The following YJU2B variants were observed in gnomAD, a reference collection of about 807,000 sequenced individuals.
YJU2B encodes the protein probable splicing factor YJU2B.
A neutral mutation model predicts 38.0 loss-of-function variants in YJU2B; 18 were observed. That is an observed-to-expected ratio of 0.47 (90% CI 0.33 to 0.70). The LOEUF (loss-of-function observed/expected upper bound fraction) is 0.70. Ranked by LOEUF, YJU2B falls within the 30% of genes least tolerant of loss-of-function variation. The probability of loss-of-function intolerance (pLI) is 0.02; values close to 1 mark genes in which losing one functional copy is unlikely to be tolerated. For missense variants in YJU2B, 538 were observed against 556.3 expected, an observed-to-expected ratio of 0.97 and a Z score of 0.33; for synonymous variants, 246 against 225.4, an observed-to-expected ratio of 1.09 and a Z score of -0.82.
Position 13,762,952 on chromosome 19 carries a change from A to G in YJU2B, c.1075A>G (p.Lys359Glu), listed in dbSNP as rs1973966638. Residue 359 changes from lysine to glutamate, a missense_variant, in exon 10 of 10, where the codon AAG (lysine) becomes GAG (glutamate). Physicochemically the swap from Lys to Glu is moderately conservative, Grantham distance 56. Transcript: ENST00000221554. ...GGGGCAGGAAGGGAGCCGTCAGGAC[A>G]AGCCCCTGTCGCCAGCAGGCTCCTC... is the stretch of plus-strand genomic sequence containing the variant. ...PRGQEGSRQD[K>E]PLSPAGSSQE... is the part of the protein sequence containing the mutation. 6.2e-7 allele frequency: 1 copy of G among 1,611,918 alleles called. No homozygotes were observed. Among genetic ancestry groups the G allele is most frequent in the Admixed American group, 1.7e-5 (1 of 59,888 alleles).
chr19:13,754,646 G>A (rs951569623), intron 3 of YJU2B, among the ~76,000 whole-genome samples: 12 of 152,082 alleles, frequency 7.9e-5, no homozygotes, highest in East Asian at 1.9e-4. Flanking sequence ...CACCTGTGGC[G>A]TCCTGGTTGT....
At chr19:13,757,584 G>C (rs1359410074) in intron 5 of YJU2B, 111 bp downstream of exon 5, 13 of 1,149,270 alleles carry the variant, frequency 1.1e-5, no homozygotes, top group Non-Finnish European at 1.6e-5. Flanking sequence ...GGGAGGAGAC[G>C]GGCACCCGAG....
At position 13,759,180 on chromosome 19, in the gene YJU2B, A is replaced by C; in HGVS notation, c.481A>C (p.Lys161Gln). The change falls in exon 8 of 10, where the codon AAG (lysine) becomes CAG (glutamine). Residue 161 changes from lysine (K) to glutamine (Q), a missense_variant. This residue lies in a region of YJU2B where 488 missense variants were observed against 469.5 expected (regional missense o/e 1.04). Coordinates refer to ENST00000221554, the MANE Select transcript of YJU2B (RefSeq NM_030818.4). ...HGEADRSTLKKALPTLSHIQE... is the reference protein window; with the variant it reads ...HGEADRSTLKQALPTLSHIQE... The stretch of plus-strand genomic sequence containing the variant: ...CGAGGCCGACCGCAGCACACTCAAG[A>C]AGGCGCTGCCCACACTGAGCCACAT... 6.2e-7 allele frequency: 1 copy of C among 1,613,576 alleles called. No individual in the cohort carries two copies. Among genetic ancestry groups the C allele is most frequent in the Non-Finnish European group, 8.5e-7 (1 of 1,179,834 alleles).
intron 4 of YJU2B, among the ~76,000 whole-genome samples, chr19:13,756,612 T>G (rs1299102309): frequency 1.3e-5 from 2 of 152,102 alleles, no homozygotes; most frequent in African/African-American, 4.8e-5. Flanking sequence ...ACAGCTGGGC[T>G]CTGCTCCGTG....
chr19:13,734,575 C>T (rs1393001947), intron 2 of YJU2B, among the ~76,000 whole-genome samples: 2 of 152,092 alleles, frequency 1.3e-5, no homozygotes, highest in East Asian at 3.9e-4. Flanking sequence ...CAGGCGTGAG[C>T]CACCGCGCCC....
At chr19:13,754,586 G>A (rs1379051668) in intron 3 of YJU2B, among the ~76,000 whole-genome samples, 2 of 152,082 alleles carry the variant, frequency 1.3e-5, no homozygotes, top group African/African-American at 4.8e-5. Context: ...CCCAGGATAA[G>A]GCAGAGCGCA....
At chr19:13,759,363 C>T in intron 8 of YJU2B, 91 bp downstream of exon 8, 3 of 1,058,126 alleles carry the variant, frequency 2.8e-6, no homozygotes, top group Non-Finnish European at 2.7e-6. Flanking sequence ...TAGCTTTGAG[C>T]AGGCCACTGT....
At chr19:13,741,152 T>TC (rs201332787) in intron 2 of YJU2B, among the ~76,000 whole-genome samples, 640 of 23,834 alleles carry the variant, frequency 0.027, 2 homozygotes, top group African/African-American at 0.095. Context: ...TATAGATTTC[T>TC]TTTTTTTTTT....
At chr19:13,753,351 G>A (rs1644472) in intron 2 of YJU2B, among the ~76,000 whole-genome samples, 59,630 of 151,814 alleles carry the variant, frequency 0.39, 12,402 homozygotes, top group African/African-American at 0.52. Context: ...AGGTAGGTGG[G>A]TCACAAGGTC....
At chr19:13,746,244 C>T (rs984127595), upstream of YJU2B, among the ~76,000 whole-genome samples, 2 of 150,540 alleles carry the variant, frequency 1.3e-5, no homozygotes, top group Non-Finnish European at 3.0e-5. Flanking sequence ...AGTGAGACTC[C>T]GACTCAAAAA....
chr19:13,745,378 G>A (rs1377282111), upstream of YJU2B, among the ~76,000 whole-genome samples: 3 of 151,670 alleles, frequency 2.0e-5, no homozygotes, highest in Non-Finnish European at 4.4e-5. Context: ...TAAAGCATGG[G>A]GAGGCCGGGC....
chr19:13,752,999 G>A (rs1309840472), intron 2 of YJU2B, among the ~76,000 whole-genome samples: 2 of 152,116 alleles, frequency 1.3e-5, no homozygotes, highest in Non-Finnish European at 2.9e-5. Context: ...TACTACATGT[G>A]TATCTGCCCA....
intron 8 of YJU2B, among the ~76,000 whole-genome samples, chr19:13,760,806 C>T (rs940552590): frequency 2.0e-5 from 3 of 152,034 alleles, no homozygotes; most frequent in Non-Finnish European, 1.5e-5. Context: ...GAGTCTCGCT[C>T]GTCGCCCATG....
At position 13,756,307 on chromosome 19, in the gene YJU2B, C is replaced by G. The variant is rs201651321; in HGVS notation, c.140+28C>G. ...AAGGCCCAGCATCACCTGAGGACCCCACCGTCCTGCCCCATTCCTTCAGTC... is the reference window on the plus strand; with the variant it reads ...AAGGCCCAGCATCACCTGAGGACCCGACCGTCCTGCCCCATTCCTTCAGTC... On this transcript the variant is annotated intron_variant, in intron 4 of 9. Transcript: ENST00000221554. The G allele has an allele frequency of 6.3e-6, 10 of 1,576,952 alleles. No homozygotes were observed. In the African/African-American group the frequency reaches 1.1e-4, roughly 17 times the overall value.
At chr19:13,754,436 C>A in intron 3 of YJU2B, 94 bp downstream of exon 3, 1 of 1,051,210 alleles carries the variant, frequency 9.5e-7, no homozygotes, top group Non-Finnish European at 1.5e-6. Context: ...GGATGGGTGG[C>A]CCCCAAGGTC....
At chr19:13,747,525 CA>C (rs1220335249), upstream of YJU2B, among the ~76,000 whole-genome samples, 6 of 152,316 alleles carry the variant, frequency 3.9e-5, no homozygotes, top group African/African-American at 1.4e-4. Flanking sequence ...GGCTGGAGTG[CA>C]GTGGCGCGAT....
rs751796069 is a variant in YJU2B, at chr19:13,754,355, T to G, written c.57+13T>G. ...CAACCCTGAGAAGGTAAGCAGGCTC[T>G]CCGCTCCAGGTCCACAGTAGCAAAA... On this transcript the variant is annotated intron_variant, in intron 3 of 9. Transcript: ENST00000221554. The G allele has an allele frequency of 1.9e-5, 31 of 1,609,740 alleles. No individual in the cohort carries two copies. Among genetic ancestry groups the G allele is most frequent in the Middle Eastern group, 1.7e-4 (1 of 6,060 alleles).
upstream of YJU2B, among the ~76,000 whole-genome samples, chr19:13,745,730 T>G (rs1254399981): frequency 9.1e-6 from 1 of 110,418 alleles, no homozygotes; most frequent in South Asian, 3.0e-4. Context: ...TAGATATCTA[T>G]ATATATATAT....
intron 2 of YJU2B, among the ~76,000 whole-genome samples, chr19:13,737,267 C>CTCCCACTG (rs1235027033): frequency 1.3e-5 from 2 of 152,218 alleles, no homozygotes; most frequent in East Asian, 3.9e-4. Context: ...TCAAGGGATC[C>CTCCCACTG]TCCCACTGCA....
Sources: gnomAD v4.1 joint callset for allele counts (sites outside exome capture counted in the v4.1 genomes callset) on GRCh38, gnomAD v4.1.1 for gene constraint, gnomAD v4.1.1 regional missense constraint, MANE v1.5 for transcripts, NCBI Gene and HGNC (gene_info 2026-07-23, HGNC 2026-07-21) for gene names.